The following UBA1 variants were observed in gnomAD, a reference collection of about 807,000 sequenced individuals.
UBA1 encodes ubiquitin like modifier activating enzyme 1, also known as ubiquitin-like modifier-activating enzyme 1.
A neutral mutation model predicts 84.7 loss-of-function variants in UBA1; 4 were observed. The observed-to-expected ratio is 0.05, with a 90% CI of 0.02 to 0.11. The LOEUF (loss-of-function observed/expected upper bound fraction) is 0.11. UBA1 is among the 10% of genes least tolerant of loss of function. The probability of loss-of-function intolerance (pLI) is 1.00; values close to 1 mark genes in which losing one functional copy is unlikely to be tolerated. For synonymous variants in UBA1, 364 were observed against 362.6 expected, an observed-to-expected ratio of 1.00 and a Z score of -0.04; for missense variants, 513 against 902.8, an observed-to-expected ratio of 0.57 and a Z score of 5.53.
chrX:47,195,892 A>G (rs782671264), intron 1 of UBA1, among the ~76,000 whole-genome samples: 45 of 110,508 alleles, frequency 4.1e-4, no homozygotes, highest in African/African-American at 1.3e-3. Flanking sequence ...GCATGTCCCT[A>G]TCTATTATTT....
At chrX:47,200,304 G>A (rs1359233978) in intron 5 of UBA1, among the ~76,000 whole-genome samples, 1 of 112,215 alleles carries the variant, frequency 8.9e-6, no homozygotes, top group Admixed American at 9.4e-5. Flanking sequence ...TTAAACACGT[G>A]GAATTGCAGC....
chrX:47,205,805 G>A (rs1936646355), intron 14 of UBA1, 143 bp from the exon 15 acceptor site: 1 of 708,079 alleles, frequency 1.4e-6, no homozygotes, highest in Non-Finnish European at 2.1e-6. Flanking sequence ...AGTGAGCCGT[G>A]ATCATGCCAC....
At chrX:47,203,267 C>T in intron 13 of UBA1, 53 bp downstream of exon 13, 1 of 1,150,714 alleles carries the variant, frequency 8.7e-7, no homozygotes, top group Non-Finnish European at 1.2e-6. Context: ...CTGGCCATCA[C>T]CCCTGGGGCT....
chrX:47,203,269 C>T, intron 13 of UBA1, 55 bp downstream of exon 13: 3 of 1,147,949 alleles, frequency 2.6e-6, no homozygotes, highest in Admixed American at 2.2e-5. Flanking sequence ...GGCCATCACC[C>T]CTGGGGCTTC....
chrX:47,212,202 G>A (rs1556793681), intron 20 of UBA1, among the ~76,000 whole-genome samples: 1 of 110,359 alleles, frequency 9.1e-6, no homozygotes, highest in Non-Finnish European at 1.9e-5. Flanking sequence ...AGTGTCTCTA[G>A]AGAGATCATT....
chrX:47,212,540 G>A, intron 21 of UBA1, 28 bp downstream of exon 21: 1 of 1,145,163 alleles, frequency 8.7e-7, no homozygotes, highest in Non-Finnish European at 1.2e-6. Context: ...GGACAGGGAA[G>A]GAGGATGGGC....
intron 1 of UBA1, among the ~76,000 whole-genome samples, chrX:47,196,080 C>T (rs1486347504): frequency 2.7e-5 from 3 of 110,740 alleles, no homozygotes; most frequent in Non-Finnish European, 5.7e-5. Context: ...AGCAACTGTC[C>T]TCCTACCTCC....
chrX:47,199,420 G>A, intron 4 of UBA1, 43 bp downstream of exon 4: 4 of 1,211,536 alleles, frequency 3.3e-6, no homozygotes, highest in Non-Finnish European at 4.5e-6. Flanking sequence ...CCTTCCCGAG[G>A]CACCACTGTT....
chrX:47,198,444 G>A (rs781944360), intron 1 of UBA1: 23 of 453,620 alleles, frequency 5.1e-5, no homozygotes, highest in Middle Eastern at 4.5e-4. Context: ...GCAGGCTCAA[G>A]ATTTGAAACC....
At chrX:47,201,160 C>T (rs782029433) in intron 6 of UBA1, 116 bp from the exon 7 acceptor site, 7 of 815,582 alleles carry the variant, frequency 8.6e-6, no homozygotes, top group East Asian at 6.9e-5. Context: ...TACCATCTTA[C>T]ATCCCAGCAG....
At chrX:47,202,048 A>G (rs1936435238) in intron 8 of UBA1, 108 bp from the exon 9 acceptor site, 11 of 642,728 alleles carry the variant, frequency 1.7e-5, no homozygotes, top group Non-Finnish European at 2.5e-5. Flanking sequence ...GAGGGAAGAC[A>G]GCTTCTGATG....
chrX:47,200,687 C>T, intron 5 of UBA1, among the ~76,000 whole-genome samples: 1 of 112,140 alleles, frequency 8.9e-6, no homozygotes, highest in Non-Finnish European at 1.9e-5. Context: ...CTCCCAGCTA[C>T]CTCTTCACCT....
At chrX:47,204,463 C>T (rs1454231894) in intron 14 of UBA1, among the ~76,000 whole-genome samples, 1 of 111,446 alleles carries the variant, frequency 9.0e-6, no homozygotes, top group Non-Finnish European at 1.9e-5. Flanking sequence ...TGTTGCCAAC[C>T]AGGGAAGCTT....
In UBA1 at chrX:47,203,616, G is replaced by A; in HGVS notation, c.1495G>A (p.Glu499Lys). 2 of 1,211,405 alleles carry A rather than the reference G, an allele frequency of 1.7e-6. No individual in the cohort carries two copies. Among genetic ancestry groups the A allele is most frequent in the Non-Finnish European group, 2.2e-6 (2 of 895,328 alleles). ...MIGLGCGEGG[E>K]IIVTDMDTIE... ...TGGGCTGGGCTGCGGGGAGGGTGGAGAAATCATCGTTACAGACATGGACAC... is the reference window on the plus strand; with the variant it reads ...TGGGCTGGGCTGCGGGGAGGGTGGAAAAATCATCGTTACAGACATGGACAC... Residue 499 changes from glutamate (E) to lysine (K), a missense_variant, in exon 14 of 26, where the codon GAA (glutamate) becomes AAA (lysine). Glu to Lys is a moderately conservative substitution (Grantham distance 56, BLOSUM62 1). Around this residue, in one of 6 missense-constraint regions of UBA1, gnomAD observed 55 missense variants for 104.8 expected, o/e 0.52. Coordinates refer to ENST00000335972, the MANE Select transcript of UBA1 (RefSeq NM_003334.4).
At chrX:47,203,975 C>T (rs1488774889) in intron 14 of UBA1, among the ~76,000 whole-genome samples, 5 of 108,471 alleles carry the variant, frequency 4.6e-5, no homozygotes, top group East Asian at 2.9e-4. Context: ...CTCGAATTCC[C>T]GACCTCAGGT....
chrX:47,210,139 T>C lies in UBA1; in HGVS notation c.2199+16T>C. Reference sequence around the variant, plus strand: ...TCCTGACCAGGTAATGCCCAGTTGTTGGGTCCATTTGGCAGAATGTGTTTC... The same window carrying C: ...TCCTGACCAGGTAATGCCCAGTTGTCGGGTCCATTTGGCAGAATGTGTTTC... On this transcript the variant is annotated intron_variant, in intron 18 of 25. Coordinates refer to ENST00000335972, the MANE Select transcript of UBA1 (RefSeq NM_003334.4). The C allele has an allele frequency of 8.3e-7, 1 of 1,210,086 alleles. No homozygotes were observed. Among genetic ancestry groups the C allele is most frequent in the African/African-American group, 1.7e-5 (1 of 57,792 alleles).
At chrX:47,205,269 G>T in intron 14 of UBA1, 1 of 260,339 alleles carries the variant, frequency 3.8e-6, no homozygotes. Context: ...CCCAATTTGG[G>T]CTTTGAAAGG....
At position 47,203,747 on chromosome X, in the gene UBA1, C is replaced by CTT. The variant is rs781978873; in HGVS notation, c.1575+67_1575+68dup. The CTT allele has an allele frequency of 0.08, 62,806 of 782,878 alleles. 228 individuals carry two copies. Among genetic ancestry groups the CTT allele is most frequent in the African/African-American group, 0.11 (4,383 of 38,459 alleles). 64.5% of individuals were successfully genotyped at this position (782,878 alleles called of 1,213,427 possible). A position where few individuals can be genotyped will look rare whatever the true frequency, so the allele number is the denominator to read the frequency against. ...TTGTCGTCTCACTTTCCTCCTTTTT[C>CTT]TTTTTTTTTTTTTTTTTGAGACGGA... On this transcript the variant is annotated intron_variant, in intron 14 of 25. Transcript: ENST00000335972.
In UBA1 at chrX:47,214,525, C is replaced by T. The variant is rs1937068492; in HGVS notation, c.2941-12C>T. ...CACCTCCATGACCCTGCTGTTCCCC[C>T]TCCCTCTCCAGACAGAGCACAAATT... On this transcript the variant is annotated splice_polypyrimidine_tract_variant and intron_variant, in intron 24 of 25. Transcript: ENST00000335972. The T allele has an allele frequency of 8.3e-7, 1 of 1,208,499 alleles. No homozygotes were observed. Among genetic ancestry groups the T allele is most frequent in the Non-Finnish European group, 1.1e-6 (1 of 892,604 alleles).
Sources: gnomAD v4.1 joint callset for allele counts (sites outside exome capture counted in the v4.1 genomes callset) on GRCh38, gnomAD v4.1.1 for gene constraint, gnomAD v4.1.1 regional missense constraint, MANE v1.5 for transcripts, NCBI Gene and HGNC (gene_info 2026-07-23, HGNC 2026-07-21) for gene names.